ZNF480: variants seen among roughly 807,000 people sequenced by gnomAD.
ZNF480 encodes zinc finger protein 480.
ZNF480 carries 15 observed loss-of-function variants against 14.4 expected under a neutral mutation model. The ratio of observed to expected loss-of-function variants is 1.04; its 90% CI spans 0.70 to 1.60. The LOEUF is 1.60. Among genes scored for constraint, ZNF480 ranks in the 40% most tolerant of loss-of-function variants. The pLI, the probability that ZNF480 is intolerant of heterozygous loss-of-function variation, is 0.00. For synonymous variants in ZNF480, 218 were observed against 215.5 expected (o/e 1.01, Z -0.10); for missense variants, 593 against 629.7 (o/e 0.94, Z 0.62).
chr19:52,309,969 A>G (rs748762931), intron 2 of ZNF480, among the ~76,000 whole-genome samples: 26 of 152,168 alleles, frequency 1.7e-4, no homozygotes, highest in South Asian at 1.7e-3. Flanking sequence ...TGTATGTGTC[A>G]TTTTATAAAT....
intron 2 of ZNF480, 33 bp downstream of exon 2, chr19:52,300,517 T>C: frequency 6.2e-7 from 1 of 1,607,370 alleles, no homozygotes; most frequent in East Asian, 2.2e-5. Flanking sequence ...TTGTTCTGTC[T>C]CCTTTCTTTC....
chr19:52,321,404 C>T (rs1983801231), intron 4 of ZNF480, among the ~76,000 whole-genome samples, 175 bp from the exon 5 acceptor site: 1 of 152,206 alleles, frequency 6.6e-6, no homozygotes, highest in South Asian at 2.1e-4. Flanking sequence ...TTTCCCAGAA[C>T]TCCAGTGCAT....
At chr19:52,314,473 CAAAAAAAAAAAAAAA>C (rs34349660) in intron 3 of ZNF480, among the ~76,000 whole-genome samples, 194 bp downstream of exon 3, 2 of 66,208 alleles carry the variant, frequency 3.0e-5, no homozygotes, top group African/African-American at 1.3e-4. Flanking sequence ...AACTCCGTCC[CAAAAAAAAAAAAAAA>C]AAAAAAAAAA....
intron 1 of ZNF480, 111 bp downstream of exon 1, chr19:52,297,334 C>A: frequency 5.1e-6 from 2 of 388,610 alleles, no homozygotes; most frequent in Non-Finnish European, 1.0e-5. Flanking sequence ...GCTCCCTCTA[C>A]CCCGACCAAA....
Position 52,322,767 on chromosome 19 carries a change from C to G in ZNF480, c.1517C>G (p.Thr506Ser). ...CTTGCACGACATCGGAAAATTCATA[C>G]TGGAGAGAAACCTTACAAATGTAAT... ...AHLARHRKIH[T>S]GEKPYKCNEC... The change falls in exon 5 of 5, where the codon ACT becomes AGT. Residue 506 changes from threonine to serine, a missense_variant. Coordinates refer to ENST00000595962, the MANE Select transcript of ZNF480 (RefSeq NM_144684.4). 1 of 1,613,796 alleles carries G rather than the reference C, an allele frequency of 6.2e-7. No homozygotes were observed. Among genetic ancestry groups the G allele is most frequent in the Non-Finnish European group, 8.5e-7 (1 of 1,179,750 alleles).
intron 2 of ZNF480, among the ~76,000 whole-genome samples, chr19:52,313,219 C>G (rs1199285627): frequency 1.3e-5 from 2 of 150,702 alleles, no homozygotes; most frequent in Non-Finnish European, 2.9e-5. Flanking sequence ...TCACTGCAAC[C>G]TCTGCCTTCC....
At chr19:52,314,085 C>T (rs1983424989) in intron 2 of ZNF480, 68 bp from the exon 3 acceptor site, 3 of 1,466,386 alleles carry the variant, frequency 2.0e-6, no homozygotes, top group Non-Finnish European at 2.8e-6. Flanking sequence ...TTACAACTCC[C>T]TTCTCATTTT....
intron 2 of ZNF480, among the ~76,000 whole-genome samples, chr19:52,311,910 T>C (rs1184038297): frequency 6.6e-6 from 1 of 152,174 alleles, no homozygotes; most frequent in Non-Finnish European, 1.5e-5. Flanking sequence ...TGTGTGCTAG[T>C]GTATATGGGT....
rs1983528640 is a variant in ZNF480 at position 52,315,887 on chromosome 19, C to T, written c.253C>T (p.Pro85Ser). The change falls in exon 4 of 5, where the codon CCC becomes TCC. Residue 85 changes from proline to serine, a missense_variant. Transcript: ENST00000595962. ...CTCCATGTTGGAGCAAAGGAGGGAG[C>T]CCTGGTCTGGTGAGAGTGAAGTGAA... ...INSMLEQRRE[P>S]WSGESEVKIA... 6.2e-7 allele frequency: 1 copy of T among 1,612,894 alleles called. No individual in the cohort carries two copies. Among genetic ancestry groups the T allele is most frequent in the Non-Finnish European group, 8.5e-7 (1 of 1,179,308 alleles).
intron 1 of ZNF480, among the ~76,000 whole-genome samples, chr19:52,298,635 GAA>G (rs753452587): frequency 2.2e-5 from 3 of 136,780 alleles, no homozygotes; most frequent in Non-Finnish European, 1.6e-5. Flanking sequence ...CCGTCTCAGG[GAA>G]AAAAAAAAAA....
At chr19:52,302,076 T>A (rs1318681583) in intron 2 of ZNF480, 2 of 241,730 alleles carry the variant, frequency 8.3e-6, no homozygotes, top group African/African-American at 2.3e-5. Flanking sequence ...AGCATCTGGC[T>A]CATGATAAGG....
At chr19:52,314,118 C>T (rs766774623) in intron 2 of ZNF480, 35 bp from the exon 3 acceptor site, 2 of 1,536,324 alleles carry the variant, frequency 1.3e-6, no homozygotes, top group African/African-American at 2.8e-5. Flanking sequence ...ATACCCTTTA[C>T]ATATCCTGTT....
At chr19:52,309,691 TCA>T (rs1044816704) in intron 2 of ZNF480, among the ~76,000 whole-genome samples, 60 of 152,358 alleles carry the variant, frequency 3.9e-4, no homozygotes, top group African/African-American at 1.3e-3. Flanking sequence ...TGTCACATTT[TCA>T]CACTCAGCTC....
intron 1 of ZNF480, among the ~76,000 whole-genome samples, chr19:52,298,505 C>T (rs763587344): frequency 2.6e-5 from 4 of 152,200 alleles, no homozygotes; most frequent in East Asian, 1.9e-4. Context: ...TCAGCGCGCG[C>T]GTGTAATCCC....
At chr19:52,314,811 A>C (rs148047216) in intron 3 of ZNF480, among the ~76,000 whole-genome samples, 59 of 152,074 alleles carry the variant, frequency 3.9e-4, no homozygotes, top group East Asian at 9.7e-4. Flanking sequence ...TCTCATTAAA[A>C]AAACAAACAA....
In ZNF480 at chr19:52,297,534, G is replaced by A. The variant is rs189041767; in HGVS notation, c.-20+311G>A. Among the ~76,000 whole-genome samples the A allele has an allele frequency of 3.9e-3, 593 of 152,240 alleles. 5 individuals carry two copies. The highest frequency in any genetic ancestry group is 0.014 in the Middle Eastern group (4 of 294). ...AGCGTAAAGTCCTCCCCCGCTAGGCGGATTCCGGTCTATGCGGTCCCCCAA... is the reference window on the plus strand; with the variant it reads ...AGCGTAAAGTCCTCCCCCGCTAGGCAGATTCCGGTCTATGCGGTCCCCCAA... On this transcript the variant is annotated intron_variant, in intron 1 of 4. Coordinates refer to ENST00000595962, the MANE Select transcript of ZNF480 (RefSeq NM_144684.4).
chr19:52,321,282 A>G (rs1488390379), intron 4 of ZNF480, among the ~76,000 whole-genome samples: 1 of 151,712 alleles, frequency 6.6e-6, no homozygotes, highest in African/African-American at 2.4e-5. Flanking sequence ...TGAGTGTCTT[A>G]TTTTCCCTAG....
intron 2 of ZNF480, among the ~76,000 whole-genome samples, chr19:52,312,447 A>G (rs1600217663): frequency 6.6e-6 from 1 of 152,216 alleles, no homozygotes. Flanking sequence ...GGCATGAGCC[A>G]CCATGCCCAG....
At chr19:52,313,990 A>G (rs1052117769) in intron 2 of ZNF480, among the ~76,000 whole-genome samples, 163 bp from the exon 3 acceptor site, 1 of 152,122 alleles carries the variant, frequency 6.6e-6, no homozygotes, top group African/African-American at 2.4e-5. Context: ...AAAAAAAGAA[A>G]AAAAACACAT....
Sources: gnomAD v4.1 joint callset for allele counts (sites outside exome capture counted in the v4.1 genomes callset) on GRCh38, gnomAD v4.1.1 for gene constraint, MANE v1.5 for transcripts, NCBI Gene and HGNC (gene_info 2026-07-23, HGNC 2026-07-21) for gene names.